FGF14: variants seen among roughly 807,000 people sequenced by gnomAD.
FGF14 encodes the protein fibroblast growth factor homologous factor 4.
Under a neutral mutation model 25.5 loss-of-function variants are expected in FGF14, and 5 were observed. The ratio of observed to expected loss-of-function variants is 0.20; its 90% CI spans 0.10 to 0.41. The LOEUF (loss-of-function observed/expected upper bound fraction) is 0.41, where lower values mean the gene tolerates loss of function less well. Ranked by LOEUF, FGF14 falls within the 10% of genes least tolerant of loss-of-function variation. The pLI, the probability that FGF14 is intolerant of heterozygous loss-of-function variation, is 1.00. For missense variants in FGF14, 222 were observed against 320.1 expected, an observed-to-expected ratio of 0.69 and a Z score of 2.34; for synonymous variants, 138 against 118.3, an observed-to-expected ratio of 1.17 and a Z score of -1.08.
intron 1 of FGF14, among the ~76,000 whole-genome samples, chr13:102,031,420 G>A (rs9585834): frequency 0.045 from 6,891 of 152,072 alleles, 501 homozygotes; most frequent in African/African-American, 0.16. Context: ...GCCCACATTC[G>A]TACAGCTAGT....
At chr13:102,207,668 AGGTCTTTCAAACATAAT>A (rs1382019194) in intron 1 of FGF14, among the ~76,000 whole-genome samples, 1 of 150,932 alleles carries the variant, frequency 6.6e-6, no homozygotes. Context: ...TAGACCTAGA[AGGTCTTTCAAACATAAT>A]GGCCTAAAAT....
chr13:102,024,888 T>C (rs2040845829), intron 1 of FGF14, among the ~76,000 whole-genome samples: 2 of 151,784 alleles, frequency 1.3e-5, no homozygotes, highest in Non-Finnish European at 2.9e-5. Flanking sequence ...CAAAAATCAA[T>C]TGACCATCAA....
At chr13:102,321,613 T>C (rs1475543576) in intron 1 of FGF14, among the ~76,000 whole-genome samples, 2 of 152,188 alleles carry the variant, frequency 1.3e-5, no homozygotes, top group African/African-American at 4.8e-5. Flanking sequence ...CAAGCAAAGG[T>C]AACTGAATAG....
At chr13:101,955,832 G>C (rs933114029) in intron 1 of FGF14, among the ~76,000 whole-genome samples, 1 of 152,202 alleles carries the variant, frequency 6.6e-6, no homozygotes, top group Non-Finnish European at 1.5e-5. Flanking sequence ...ATCCAAGAGA[G>C]CTATTTACCA....
intron 3 of FGF14, among the ~76,000 whole-genome samples, chr13:101,824,465 G>GA (rs2140251832): frequency 6.6e-6 from 1 of 152,202 alleles, no homozygotes; most frequent in East Asian, 1.9e-4. Flanking sequence ...CCTTTCTTGA[G>GA]ATGATGTCTC....
At chr13:102,346,720 G>A (rs1165322301) in intron 1 of FGF14, among the ~76,000 whole-genome samples, 1 of 152,008 alleles carries the variant, frequency 6.6e-6, no homozygotes, top group Admixed American at 6.5e-5. Flanking sequence ...ATGTTTCTCG[G>A]TAGTGGCATT....
At chr13:102,035,718 GT>G (rs1460826179) in intron 1 of FGF14, among the ~76,000 whole-genome samples, 7 of 152,114 alleles carry the variant, frequency 4.6e-5, no homozygotes, top group Admixed American at 4.6e-4. Flanking sequence ...ATTATTTAAG[GT>G]TTTTACTACA....
intron 1 of FGF14, among the ~76,000 whole-genome samples, chr13:101,956,886 T>C (rs192095475): frequency 8.3e-4 from 126 of 152,230 alleles, no homozygotes; most frequent in African/African-American, 2.5e-3. Flanking sequence ...TTTGTTTTTG[T>C]TTTTTTCTCT....
At chr13:102,381,453 T>C (rs2058181237) in intron 1 of FGF14, among the ~76,000 whole-genome samples, 1 of 152,144 alleles carries the variant, frequency 6.6e-6, no homozygotes, top group Non-Finnish European at 1.5e-5. Flanking sequence ...CCTTCTGCCA[T>C]GTGAGGATGC....
intron 1 of FGF14, among the ~76,000 whole-genome samples, chr13:102,202,632 T>C (rs531381): frequency 0.19 from 29,010 of 152,200 alleles, 5,026 homozygotes; most frequent in African/African-American, 0.46. Context: ...AGTATGGCTG[T>C]TGCTACCTTT....
chr13:101,941,844 T>C (rs1295140322), intron 1 of FGF14, among the ~76,000 whole-genome samples: 1 of 152,212 alleles, frequency 6.6e-6, no homozygotes, highest in African/African-American at 2.4e-5. Context: ...AGGTAAATTT[T>C]TGGCGAGTAA....
chr13:102,123,430 G>T (rs1307104104), intron 1 of FGF14, among the ~76,000 whole-genome samples: 1 of 152,170 alleles, frequency 6.6e-6, no homozygotes, highest in African/African-American at 2.4e-5. Flanking sequence ...ATATAATGCT[G>T]CTGCTATAGA....
At chr13:101,914,664 G>T (rs900480388) in intron 1 of FGF14, among the ~76,000 whole-genome samples, 1 of 151,994 alleles carries the variant, frequency 6.6e-6, no homozygotes, top group Non-Finnish European at 1.5e-5. Flanking sequence ...ATCCTCCTTC[G>T]CCACCCAATA....
intron 1 of FGF14, among the ~76,000 whole-genome samples, chr13:102,033,961 G>A (rs1443711140): frequency 6.6e-6 from 1 of 152,036 alleles, no homozygotes; most frequent in Non-Finnish European, 1.5e-5. Flanking sequence ...ACAAAATGCT[G>A]CATCTCAGGA....
rs1464519008 is a variant in FGF14, at chr13:101,718,389, A to G, written c.*4442T>C. On this transcript the variant is annotated 3_prime_UTR_variant, in exon 5 of 5. Transcript: ENST00000376143. ...TGTGATTTTCAACTCTATGATAGAA[A>G]CTCCCTCTAAAAAACAAGCAGGGCA... 1 of 152,064 alleles carries G rather than the reference A, an allele frequency of 6.6e-6. No individual in the cohort carries two copies. The highest frequency in any genetic ancestry group is 2.4e-5 in the African/African-American group (1 of 41,416). The allele number at this position is 152,064 out of a possible 1,614,324, so 9.4% of individuals were successfully genotyped here.
intron 1 of FGF14, among the ~76,000 whole-genome samples, chr13:102,161,642 A>AGAAGAAGAAGAAGAAGAAGAAG (rs2047725754): frequency 9.4e-5 from 1 of 10,666 alleles, no homozygotes; most frequent in Non-Finnish European, 1.7e-4. Flanking sequence ...AAGAAGAAGA[A>AGAAGAAGAAGAAGAAGAAGAAG]GAAGAAGAAG....
At chr13:102,054,508 T>C (rs950316968) in intron 1 of FGF14, among the ~76,000 whole-genome samples, 2 of 152,172 alleles carry the variant, frequency 1.3e-5, no homozygotes, top group African/African-American at 4.8e-5. Context: ...AAGAGTCCGT[T>C]TTCTTAACCT....
chr13:102,131,363 A>C (rs2046188218), intron 1 of FGF14, among the ~76,000 whole-genome samples: 1 of 152,228 alleles, frequency 6.6e-6, no homozygotes, highest in South Asian at 2.1e-4. Flanking sequence ...AAACCACAGC[A>C]GCTCTCATTG....
chr13:101,874,624 AATG>A (rs552284559), intron 2 of FGF14, among the ~76,000 whole-genome samples: 159 of 152,264 alleles, frequency 1.0e-3, no homozygotes, highest in African/African-American at 3.4e-3. Flanking sequence ...TTTAATTAAA[AATG>A]ATCACAGATG....
Sources: allele counts gnomAD v4.1 joint callset (sites outside exome capture counted in the v4.1 genomes callset), GRCh38; gene constraint gnomAD v4.1.1; transcripts MANE v1.5; gene names NCBI Gene and HGNC (gene_info 2026-07-23, HGNC 2026-07-21).